ZNF541: variants seen among roughly 807,000 people sequenced by gnomAD.
ZNF541 encodes the protein zinc finger protein 541.
ZNF541 carries 23 observed loss-of-function variants against 123.5 expected under a neutral mutation model. The ratio of observed to expected loss-of-function variants is 0.19; its 90% confidence interval spans 0.13 to 0.26. The LOEUF (loss-of-function observed/expected upper bound fraction) is 0.26, where lower values mean the gene tolerates loss of function less well. ZNF541 is among the 10% of genes least tolerant of loss of function. ZNF541 has a pLI of 1.00. For synonymous variants in ZNF541, 751 were observed against 754.5 expected (o/e 1.00, Z 0.08); for missense variants, 1,612 against 1,789.9 (o/e 0.90, Z 1.79).
In ZNF541 at chr19:47,544,631, C is replaced by A. The variant is rs1470666243; in HGVS notation, c.1898G>T (p.Gly633Val). 6.5e-7 allele frequency: 1 copy of A among 1,549,778 alleles called. No homozygotes were observed. Among genetic ancestry groups the A allele is most frequent in the African/African-American group, 1.4e-5 (1 of 73,138 alleles). Residue 633 changes from glycine (G) to valine (V), a missense_variant, in exon 5 of 17, where the codon GGG (glycine) becomes GTG (valine). Gly to Val is a moderately radical substitution (Grantham distance 109). This residue lies in a region of ZNF541 where 1,080 missense variants were observed against 1,013.8 expected (regional missense o/e 1.07). Transcript: ENST00000391901. The part of the protein sequence containing the change: ...SPARRRKTTP[G>V]VPREASPGST... ...GCCGGGGGAGGCCTCTCTGGGAACC[C>A]CGGGTGTGGTTTTTCTCCTGCGGGC... is the stretch of plus-strand genomic sequence containing the variant.
intron 8 of ZNF541, among the ~76,000 whole-genome samples, chr19:47,539,468 T>A (rs1454688119): frequency 2.0e-5 from 3 of 151,574 alleles, no homozygotes. Flanking sequence ...CCCAGCTAAT[T>A]TTTTTGTATT....
At chr19:47,532,374 T>C in intron 10 of ZNF541, 104 bp from the exon 11 acceptor site, 1 of 1,336,892 alleles carries the variant, frequency 7.5e-7, no homozygotes, top group Non-Finnish European at 1.0e-6. Context: ...CACAGCCTGC[T>C]CCATGGAAAC....
Position 47,567,581 on chromosome 19 carries a change from A to T in ZNF541, c.-99+4315T>A, listed in dbSNP as rs369705595. On this transcript the variant is annotated intron_variant, in intron 2 of 16. Coordinates refer to ENST00000391901, the MANE Select transcript of ZNF541 (RefSeq NM_001277075.3). ...GGCCAGTTAAATTTAAACAGGTACA[A>T]GCGGCTAATGGCTACCATATCAGAT... is the stretch of plus-strand genomic sequence containing the variant. 3.9e-5 allele frequency among the ~76,000 whole-genome samples: 6 copies of T among 152,342 alleles called. No individual in the cohort carries two copies. In the South Asian group the frequency reaches 1.0e-3, roughly 26 times the overall value.
chr19:47,550,712 T>C (rs1026774720), intron 3 of ZNF541, among the ~76,000 whole-genome samples: 8 of 152,208 alleles, frequency 5.3e-5, no homozygotes, highest in Non-Finnish European at 1.0e-4. Context: ...AGTGGTGCGA[T>C]CACAGCTCAT....
In ZNF541 at chr19:47,521,292, A is replaced by C; in HGVS notation, c.3973T>G (p.Trp1325Gly). Residue 1325 changes from tryptophan (W) to glycine (G), a missense_variant, in exon 17 of 17, where the codon TGG becomes GGG. Physicochemically the swap from Trp to Gly is radical, Grantham distance 184. Coordinates refer to ENST00000391901, the MANE Select transcript of ZNF541 (RefSeq NM_001277075.3). This position sits in a 1 kb window ranked among gnomAD's most constrained non-coding sequence, Gnocchi z 4.2. ...TTTAGCTGGAAGGGCTTCACTGGCC[A>C]CTTCACCCTGATGATGGGCTCCACG... The part of the protein sequence containing the change: ...DHVEPIIRVK[W>G]PVKPFQLKEE... 6.4e-7 allele frequency: 1 copy of C among 1,551,722 alleles called. No homozygotes were observed.
At chr19:47,557,148 G>A (rs544805502) in intron 2 of ZNF541, among the ~76,000 whole-genome samples, 1 of 152,220 alleles carries the variant, frequency 6.6e-6, no homozygotes, top group East Asian at 1.9e-4. Flanking sequence ...TGGCTCCTAG[G>A]AAATTTAGAT....
chr19:47,532,945 C>G lies in ZNF541; in HGVS notation c.3122G>C (p.Cys1041Ser), dbSNP rs1204676545. 1.3e-6 allele frequency: 2 copies of G among 1,550,450 alleles called. No homozygotes were observed. Among genetic ancestry groups the G allele is most frequent in the Admixed American group, 2.0e-5 (1 of 50,914 alleles). ...GATTTTGGTGTCATCCTTCACCACA[C>G]AGATGCCAAAGGACCCATCCACTTG... ...LDQVDGSFGI[C>S]VVKDDTKISI... Residue 1041 changes from cysteine to serine, a missense_variant, in exon 10 of 17, where the codon TGT becomes TCT. Cys to Ser is a moderately radical substitution (Grantham distance 112). Around this residue, in one of 5 missense-constraint regions of ZNF541, gnomAD observed 285 missense variants for 407.3 expected, o/e 0.70. Coordinates refer to ENST00000391901, the MANE Select transcript of ZNF541 (RefSeq NM_001277075.3).
At chr19:47,569,159 G>A (rs1971381087) in intron 2 of ZNF541, among the ~76,000 whole-genome samples, 1 of 151,796 alleles carries the variant, frequency 6.6e-6, no homozygotes. Flanking sequence ...TAGATCTGAG[G>A]GACAAATGGC....
At chr19:47,529,105 C>T (rs1373328844) in intron 13 of ZNF541, 67 bp from the exon 14 acceptor site, 6 of 1,172,288 alleles carry the variant, frequency 5.1e-6, no homozygotes, top group Non-Finnish European at 6.2e-6. Context: ...GGCTGAAATG[C>T]AGACCACCTT....
At chr19:47,524,706 T>TAAAAAAAAAA (rs1159585510) in intron 14 of ZNF541, among the ~76,000 whole-genome samples, 1 of 96,746 alleles carries the variant, frequency 1.0e-5, no homozygotes, top group Non-Finnish European at 2.1e-5. Flanking sequence ...AGACTCTGTC[T>TAAAAAAAAAA]AAAAAAAAAA....
At chr19:47,537,036 A>G (rs187716440) in intron 9 of ZNF541, among the ~76,000 whole-genome samples, 1 of 152,330 alleles carries the variant, frequency 6.6e-6, no homozygotes, top group African/African-American at 2.4e-5. Context: ...AGGCAAATCC[A>G]AAGAGAGAAG....
chr19:47,545,975 C>G lies in ZNF541; in HGVS notation c.554G>C (p.Gly185Ala). The G allele has an allele frequency of 6.8e-7, 1 of 1,474,030 alleles. No individual in the cohort carries two copies. The highest frequency in any genetic ancestry group is 2.5e-5 in the East Asian group (1 of 39,860). 91.3% of individuals were successfully genotyped at this position (1,474,030 alleles called of 1,614,324 possible). A position where few individuals can be genotyped will look rare whatever the true frequency, so the allele number is the denominator to read the frequency against. The change falls in exon 5 of 17, where the codon GGG (glycine) becomes GCG (alanine). Residue 185 changes from glycine to alanine, a missense_variant. Around this residue, in one of 5 missense-constraint regions of ZNF541, gnomAD observed 212 missense variants for 289.6 expected, o/e 0.73. Transcript: ENST00000391901. This position sits in a 1 kb window ranked among gnomAD's most constrained non-coding sequence, Gnocchi z 7.5. Reference protein sequence around the residue: ...KAFKRQDHLTGHMLTHQKTKP... With the variant: ...KAFKRQDHLTAHMLTHQKTKP... ...TGTCTTCTGGTGGGTGAGCATGTGC[C>G]CGGTCCTGGAGCCAGACACAAGCAG...
intron 2 of ZNF541, among the ~76,000 whole-genome samples, chr19:47,565,503 C>G (rs909446423): frequency 6.6e-6 from 1 of 152,082 alleles, no homozygotes; most frequent in Admixed American, 6.6e-5. Flanking sequence ...CATAATAATG[C>G]CTTCGGGCTC....
chr19:47,532,800 T>C (rs373405256), intron 10 of ZNF541, 109 bp downstream of exon 10: 1 of 985,522 alleles, frequency 1.0e-6, no homozygotes. Context: ...CTAGGGAGCC[T>C]ATGTGAGTAA....
rs1425593523 is a variant in ZNF541, at chr19:47,555,823, G to A, written c.34C>T (p.Leu12Phe). Residue 12 changes from leucine (L) to phenylalanine (F), a missense_variant, in exon 3 of 17, where the codon CTC (leucine) becomes TTC (phenylalanine). Leu to Phe is a conservative substitution (Grantham distance 22). This residue lies in a region of ZNF541 where 212 missense variants were observed against 289.6 expected (regional missense o/e 0.73). Transcript: ENST00000391901. ...GAAGGGAGGTGCATTTCTGATGGGA[G>A]GGCACCCTCGTCTCCAAGGCTGTAC... ...DQYSLGDEGA[L>F]PSEMHLPSFS... 9.7e-6 allele frequency: 15 copies of A among 1,551,414 alleles called. No homozygotes were observed. Among genetic ancestry groups the A allele is most frequent in the Non-Finnish European group, 1.3e-5 (15 of 1,146,956 alleles).
chr19:47,555,994 A>T, intron 2 of ZNF541, 40 bp from the exon 3 acceptor site: 1 of 917,026 alleles, frequency 1.1e-6, no homozygotes, highest in Non-Finnish European at 1.6e-6. Context: ...ATTAGGTGGC[A>T]AAACAGCATT....
intron 2 of ZNF541, among the ~76,000 whole-genome samples, chr19:47,561,269 GA>G (rs1052418272): frequency 4.0e-5 from 6 of 151,820 alleles, no homozygotes; most frequent in African/African-American, 9.7e-5. Flanking sequence ...CTGTCTCTAT[GA>G]AAAAAAATTT....
In ZNF541 at chr19:47,540,185, C is replaced by T. The variant is rs1326789592; in HGVS notation, c.2613G>A (p.Gln871=). 3 of 1,550,704 alleles carry T rather than the reference C, an allele frequency of 1.9e-6. No homozygotes were observed. The highest frequency in any genetic ancestry group is 2.6e-6 in the Non-Finnish European group (3 of 1,146,834). The change falls in exon 7 of 17, where the codon CAG becomes CAA. Residue 871 remains glutamine, a synonymous_variant. Transcript: ENST00000391901. ...GGTCGTCCCCCTTCACCTGCGGTTC[C>T]TGCTTCCCTCGAGGTGACGGCCACT... is the stretch of plus-strand genomic sequence containing the variant. ...SDQWPSPRGK[Q]EPQVFGTEFC... is the part of the protein sequence containing the mutation.
rs1453438015 is a variant in ZNF541, at chr19:47,532,892, G to A, written c.3158+17C>T. The A allele has an allele frequency of 1.3e-6, 2 of 1,549,008 alleles. No homozygotes were observed. Among genetic ancestry groups the A allele is most frequent in the East Asian group, 4.9e-5 (2 of 40,706 alleles). The stretch of plus-strand genomic sequence containing the variant: ...AGGTGGGGTAAAAGCAGCTTCACTG[G>A]AAAGGACCCAACTTACGGCTCAATG... On this transcript the variant is annotated intron_variant, in intron 10 of 16. Coordinates refer to ENST00000391901, the MANE Select transcript of ZNF541 (RefSeq NM_001277075.3).
Sources: gnomAD v4.1 joint callset for allele counts (sites outside exome capture counted in the v4.1 genomes callset) on GRCh38, gnomAD v4.1.1 for gene constraint, gnomAD v4.1.1 regional missense constraint, Gnocchi (gnomAD v3.1) non-coding constraint, MANE v1.5 for transcripts, NCBI Gene and HGNC (gene_info 2026-07-23, HGNC 2026-07-21) for gene names.